MPLKIP: variants seen among roughly 807,000 people sequenced by gnomAD.
MPLKIP encodes M-phase specific PLK1 interacting protein, also known as M-phase-specific PLK1-interacting protein.
Under a neutral mutation model 16.9 loss-of-function variants are expected in MPLKIP, and 16 were observed. The observed-to-expected ratio is 0.94, with a 90% CI of 0.64 to 1.43. The LOEUF (loss-of-function observed/expected upper bound fraction) is 1.43, where lower values mean the gene tolerates loss of function less well. Ranked by LOEUF, MPLKIP falls within the 40% of genes most tolerant of loss-of-function variation. MPLKIP has a pLI of 0.00. For synonymous variants in MPLKIP, 126 were observed against 98.4 expected, an observed-to-expected ratio of 1.28 and a Z score of -1.66; for missense variants, 282 against 237.6, an observed-to-expected ratio of 1.19 and a Z score of -1.23.
Position 40,129,597 on chromosome 7 carries a change from T to G in MPLKIP, c.*3462A>C, listed in dbSNP as rs12534074. The stretch of plus-strand genomic sequence containing the variant: ...CACCACACTTTACCCACAATGAAAA[T>G]AGATTAACTTCCATCATATTCTCTT... On this transcript the variant is annotated 3_prime_UTR_variant, in exon 2 of 2. Transcript: ENST00000306984. 1 of 151,412 alleles carries G rather than the reference T, an allele frequency of 6.6e-6. No homozygotes were observed. Among genetic ancestry groups the G allele is most frequent in the Admixed American group, 6.6e-5 (1 of 15,208 alleles). 9.4% of individuals were successfully genotyped at this position (151,412 alleles called of 1,614,324 possible).
At position 40,134,281 on chromosome 7, in the gene MPLKIP, C is replaced by T. The variant is rs1470833649; in HGVS notation, c.287G>A (p.Gly96Glu). Residue 96 changes from glycine to glutamate, a missense_variant, in exon 1 of 2, where the codon GGG (glycine) becomes GAG (glutamate). Gly to Glu is a moderately conservative substitution (Grantham distance 98). Coordinates refer to ENST00000306984, the MANE Select transcript of MPLKIP (RefSeq NM_138701.4). The part of the protein sequence containing the change: ...YPGSYSRSPA[G>E]SQQQFGYSPG... ...GGAGTAGCCGAATTGCTGCTGGGAC[C>T]CCGCGGGGGACCTGGAGTAGGAGCC... 2 of 1,560,714 alleles carry T rather than the reference C, an allele frequency of 1.3e-6. No homozygotes were observed. Among genetic ancestry groups the T allele is most frequent in the East Asian group, 2.4e-5 (1 of 41,780 alleles).
rs1322536888 is a variant in MPLKIP, at chr7:40,126,195, T to C, written c.*6864A>G. The C allele has an allele frequency of 1.3e-5, 2 of 152,254 alleles. No individual in the cohort carries two copies. Among genetic ancestry groups the C allele is most frequent in the East Asian group, 3.8e-4 (2 of 5,198 alleles). 9.4% of individuals were successfully genotyped at this position (152,254 alleles called of 1,614,324 possible). ...GTTACCTTCATTTGTATTTACACTA[T>C]GACCTTATATTTACCATTTATAGAG... On this transcript the variant is annotated 3_prime_UTR_variant, in exon 2 of 2. Transcript: ENST00000306984.
At chr7:40,133,601 A>C (rs913378258) in intron 1 of MPLKIP, among the ~76,000 whole-genome samples, 25 of 152,218 alleles carry the variant, frequency 1.6e-4, no homozygotes, top group African/African-American at 5.8e-4. Flanking sequence ...TTTTTTCAGG[A>C]GAAAACAATA....
Position 40,134,154 on chromosome 7 carries a change from A to C in MPLKIP, c.339+75T>G. On this transcript the variant is annotated intron_variant, in intron 1 of 1. Coordinates refer to ENST00000306984, the MANE Select transcript of MPLKIP (RefSeq NM_138701.4). ...ACCTCAGAGAGGATTAGACAAAATA[A>C]TCCACGTAAAGGGAATATTAGTACC... The C allele has an allele frequency of 2.0e-6, 3 of 1,489,278 alleles. No individual in the cohort carries two copies. In the South Asian group the frequency reaches 3.6e-5, roughly 18 times the overall value. 92.3% of individuals were successfully genotyped at this position (1,489,278 alleles called of 1,614,324 possible).
rs1163278513 is a variant in MPLKIP at position 40,130,940 on chromosome 7, C to T, written c.*2119G>A. The T allele has an allele frequency of 6.6e-6, 1 of 152,124 alleles. No homozygotes were observed. The highest frequency in any genetic ancestry group is 2.4e-5 in the African/African-American group (1 of 41,418). 9.4% of individuals were successfully genotyped at this position (152,124 alleles called of 1,614,324 possible). A position where few individuals can be genotyped will look rare whatever the true frequency, so the allele number is the denominator to read the frequency against. ...ACTTAAGTACCTACTATCTTGCAGA[C>T]ACTATTCTAAAAACTAAGGAAATGG... On this transcript the variant is annotated 3_prime_UTR_variant, in exon 2 of 2. Coordinates refer to ENST00000306984, the MANE Select transcript of MPLKIP (RefSeq NM_138701.4).
chr7:40,131,870 ACATGGT>A lies in MPLKIP; in HGVS notation c.*1183_*1188del, dbSNP rs1787468060. Reference sequence around the variant, plus strand: ...AAACAAAACAAACAAAAAAAACAAAACATGGTCTCTACTAAAAATACAAAAATTAGC... The same window carrying A: ...AAACAAAACAAACAAAAAAAACAAAACTCTACTAAAAATACAAAAATTAGC... On this transcript the variant is annotated 3_prime_UTR_variant, in exon 2 of 2. Coordinates refer to ENST00000306984, the MANE Select transcript of MPLKIP (RefSeq NM_138701.4). 6.6e-6 allele frequency: 1 copy of A among 151,840 alleles called. No homozygotes were observed. The highest frequency in any genetic ancestry group is 2.1e-4 in the South Asian group (1 of 4,816). 9.4% of individuals were successfully genotyped at this position (151,840 alleles called of 1,614,324 possible).
At chr7:40,133,346 G>C in intron 1 of MPLKIP, 87 bp from the exon 2 acceptor site, 2 of 1,186,804 alleles carry the variant, frequency 1.7e-6, no homozygotes, top group Non-Finnish European at 2.5e-6. Context: ...GAATCACATT[G>C]CTGCTTAAAA....
chr7:40,127,557 G>C lies in MPLKIP; in HGVS notation c.*5502C>G, dbSNP rs1787407882. 6.6e-6 allele frequency: 1 copy of C among 151,540 alleles called. No homozygotes were observed. The highest frequency in any genetic ancestry group is 1.5e-5 in the Non-Finnish European group (1 of 67,876). The allele number at this position is 151,540 out of a possible 1,614,324, so 9.4% of individuals were successfully genotyped here. A position where few individuals can be genotyped will look rare whatever the true frequency, so the allele number is the denominator to read the frequency against. On this transcript the variant is annotated 3_prime_UTR_variant, in exon 2 of 2. Coordinates refer to ENST00000306984, the MANE Select transcript of MPLKIP (RefSeq NM_138701.4). Reference sequence around the variant, plus strand: ...ATAGCAGGATCGGTCTCAAAAAAAAGAAAAGTATTGTATGGTATTTTATCA... The same window carrying C: ...ATAGCAGGATCGGTCTCAAAAAAAACAAAAGTATTGTATGGTATTTTATCA...
intron 1 of MPLKIP, among the ~76,000 whole-genome samples, chr7:40,133,886 TAAAAAAA>T (rs34937720): frequency 9.5e-5 from 10 of 105,556 alleles, no homozygotes; most frequent in Non-Finnish European, 1.3e-4. Flanking sequence ...GAAAGAAAGA[TAAAAAAA>T]AAAAAAAAAA....
At position 40,134,563 on chromosome 7, in the gene MPLKIP, T is replaced by G; in HGVS notation, c.5A>C (p.Gln2Pro). Residue 2 changes from glutamine (Q) to proline (P), a missense_variant, in exon 1 of 2, where the codon CAG becomes CCG. Coordinates refer to ENST00000306984, the MANE Select transcript of MPLKIP (RefSeq NM_138701.4). M[Q>P]RQNFRPPTPP... is the part of the protein sequence containing the mutation. ...AGTTGGGGGCCGAAAATTCTGTCGC[T>G]GCATATCAGGAGCCAAAGCCGAAAA... 6.3e-7 allele frequency: 1 copy of G among 1,589,482 alleles called. No homozygotes were observed. The highest frequency in any genetic ancestry group is 8.5e-7 in the Non-Finnish European group (1 of 1,170,520).
Position 40,133,022 on chromosome 7 carries a change from C to G in MPLKIP, c.*37G>C, listed in dbSNP as rs367841228. 1.1e-5 allele frequency: 18 copies of G among 1,580,144 alleles called. No homozygotes were observed. The African/African-American group carries it at 2.3e-4, about 20-fold the overall frequency. On this transcript the variant is annotated 3_prime_UTR_variant, in exon 2 of 2. Coordinates refer to ENST00000306984, the MANE Select transcript of MPLKIP (RefSeq NM_138701.4). ...AACTTAAAGTTTTGTCCAAGATGTTCCTGACACATGAAGCTTCCAGTTGAA... is the reference window on the plus strand; with the variant it reads ...AACTTAAAGTTTTGTCCAAGATGTTGCTGACACATGAAGCTTCCAGTTGAA...
At position 40,130,220 on chromosome 7, in the gene MPLKIP, T is replaced by C. The variant is rs1225816912; in HGVS notation, c.*2839A>G. On this transcript the variant is annotated 3_prime_UTR_variant, in exon 2 of 2. Transcript: ENST00000306984. ...ATGTATACTTAATTGTAAGTTTTTCTAAAAAGTTATTCAGCATTTTTATAG... is the reference window on the plus strand; with the variant it reads ...ATGTATACTTAATTGTAAGTTTTTCCAAAAAGTTATTCAGCATTTTTATAG... 1 of 152,206 alleles carries C rather than the reference T, an allele frequency of 6.6e-6. No individual in the cohort carries two copies. Among genetic ancestry groups the C allele is most frequent in the Non-Finnish European group, 1.5e-5 (1 of 68,034 alleles). 9.4% of individuals were successfully genotyped at this position (152,206 alleles called of 1,614,324 possible).
At position 40,134,334 on chromosome 7, in the gene MPLKIP, G is replaced by A. The variant is rs775282020; in HGVS notation, c.234C>T (p.Phe78=). The change falls in exon 1 of 2, where the codon TTC becomes TTT. Residue 78 remains phenylalanine, a synonymous_variant. Transcript: ENST00000306984. ...GGTAGCCGCCAGGGGACGGAGACCC[G>A]AACCGGCCCCCCGGGAAGCTGCCGC... is the stretch of plus-strand genomic sequence containing the variant. ...RHGGSFPGGR[F]GSPSPGGYPG... 6 of 1,553,094 alleles carry A rather than the reference G, an allele frequency of 3.9e-6. No individual in the cohort carries two copies. The African/African-American group carries it at 6.8e-5, about 18-fold the overall frequency.
At chr7:40,134,107 G>A in intron 1 of MPLKIP, 122 bp downstream of exon 1, 14 of 1,166,642 alleles carry the variant, frequency 1.2e-5, no homozygotes, top group Admixed American at 4.4e-5. Context: ...TCGCTCATCT[G>A]CAAAATTGGG....
In MPLKIP at chr7:40,132,074, C is replaced by A. The variant is rs1247441853; in HGVS notation, c.*985G>T. ...GGGGTAACAATTCTTCCATATTTTT[C>A]TCTCCAGAACTATAGGTATATATCC... On this transcript the variant is annotated 3_prime_UTR_variant, in exon 2 of 2. Coordinates refer to ENST00000306984, the MANE Select transcript of MPLKIP (RefSeq NM_138701.4). 6.6e-6 allele frequency: 1 copy of A among 152,154 alleles called. No individual in the cohort carries two copies. The highest frequency in any genetic ancestry group is 1.5e-5 in the Non-Finnish European group (1 of 68,024). 9.4% of individuals were successfully genotyped at this position (152,154 alleles called of 1,614,324 possible).
At chr7:40,133,399 G>A (rs1291811162) in intron 1 of MPLKIP, 140 bp from the exon 2 acceptor site, 14 of 737,024 alleles carry the variant, frequency 1.9e-5, no homozygotes, top group African/African-American at 1.8e-5. Flanking sequence ...CAAAGTCCAT[G>A]CTTCCTTTAA....
In MPLKIP at chr7:40,134,180, G is replaced by A. The variant is rs1185994750; in HGVS notation, c.339+49C>T. 5 of 1,528,660 alleles carry A rather than the reference G, an allele frequency of 3.3e-6. No homozygotes were observed. In the Admixed American group the frequency reaches 5.9e-5, roughly 18 times the overall value. The allele number at this position is 1,528,660 out of a possible 1,614,324, so 94.7% of individuals were successfully genotyped here. On this transcript the variant is annotated intron_variant, in intron 1 of 1. Transcript: ENST00000306984. ...TCCACGTAAAGGGAATATTAGTACC[G>A]TGCCTGCCATAAAGTAAGAGCTCGG... is the stretch of plus-strand genomic sequence containing the variant.
At position 40,132,654 on chromosome 7, in the gene MPLKIP, T is replaced by C. The variant is rs1787478283; in HGVS notation, c.*405A>G. 3 of 248,414 alleles carry C rather than the reference T, an allele frequency of 1.2e-5. No homozygotes were observed. Among genetic ancestry groups the C allele is most frequent in the Non-Finnish European group, 8.0e-6 (1 of 125,470 alleles). The allele number at this position is 248,414 out of a possible 1,614,324, so 15.4% of individuals were successfully genotyped here. A position where few individuals can be genotyped will look rare whatever the true frequency, so the allele number is the denominator to read the frequency against. On this transcript the variant is annotated 3_prime_UTR_variant, in exon 2 of 2. Coordinates refer to ENST00000306984, the MANE Select transcript of MPLKIP (RefSeq NM_138701.4). ...ACCTATTTCATTTTCAAAAATAATT[T>C]GCAAAACATTTACCTATGAACTCTA...
chr7:40,134,248 T>C lies in MPLKIP; in HGVS notation c.320A>G (p.Gln107Arg). The change falls in exon 1 of 2, where the codon CAG becomes CGG. Residue 107 changes from glutamine (Q) to arginine (R), a missense_variant. By Grantham distance (43) the Gln-to-Arg change is conservative. Coordinates refer to ENST00000306984, the MANE Select transcript of MPLKIP (RefSeq NM_138701.4). Reference protein sequence around the residue: ...SQQQFGYSPGQQQTHPQGSPR... With the variant: ...SQQQFGYSPGRQQTHPQGSPR... ...TATTACCTGGGGGTGGGTCTGCTGC[T>C]GCCCTGGGGAGTAGCCGAATTGCTG... is the stretch of plus-strand genomic sequence containing the variant. The C allele has an allele frequency of 1.3e-6, 2 of 1,558,136 alleles. No homozygotes were observed. The highest frequency in any genetic ancestry group is 1.7e-6 in the Non-Finnish European group (2 of 1,150,818).
Sources: gnomAD v4.1 joint callset for allele counts (sites outside exome capture counted in the v4.1 genomes callset) on GRCh38, gnomAD v4.1.1 for gene constraint, MANE v1.5 for transcripts, NCBI Gene and HGNC (gene_info 2026-07-23, HGNC 2026-07-21) for gene names.